Variants in EFNA5 observed in about 807,000 individuals in gnomAD.
The protein encoded by EFNA5 is ephrin A5.
Under a neutral mutation model 22.9 loss-of-function variants are expected in EFNA5, and 5 were observed. The observed-to-expected ratio is 0.22, with a 90% CI of 0.11 to 0.46. The LOEUF (loss-of-function observed/expected upper bound fraction) is 0.46. Ranked by LOEUF, EFNA5 falls within the 20% of genes least tolerant of loss-of-function variation. The pLI is 0.99. For missense variants in EFNA5, 237 were observed against 293.3 expected (o/e 0.81, Z 1.40); for synonymous variants, 113 against 112.2 (o/e 1.01, Z -0.04).
At chr5:107,459,365 T>A (rs1199223066) in intron 1 of EFNA5, among the ~76,000 whole-genome samples, 1 of 134,658 alleles carries the variant, frequency 7.4e-6, no homozygotes, top group South Asian at 2.3e-4. Context: ...AAAAAATCAA[T>A]TGGAACACAT....
At chr5:107,392,055 A>G (rs1462573106) in intron 2 of EFNA5, among the ~76,000 whole-genome samples, 1 of 152,244 alleles carries the variant, frequency 6.6e-6, no homozygotes, top group Non-Finnish European at 1.5e-5. Flanking sequence ...TCTAAAAGTT[A>G]TATTTAGCAA....
intron 1 of EFNA5, among the ~76,000 whole-genome samples, chr5:107,480,435 C>A (rs1750427354): frequency 6.6e-6 from 1 of 152,186 alleles, no homozygotes. Context: ...CAAGAAATAG[C>A]ATCAACTATA....
At chr5:107,660,387 G>A (rs1750928222) in intron 1 of EFNA5, among the ~76,000 whole-genome samples, 1 of 145,244 alleles carries the variant, frequency 6.9e-6, no homozygotes, top group Admixed American at 7.0e-5. Flanking sequence ...CATATGGTGG[G>A]AAAATTTTAA....
At chr5:107,501,026 G>A (rs1747121474) in intron 1 of EFNA5, among the ~76,000 whole-genome samples, 2 of 152,162 alleles carry the variant, frequency 1.3e-5, no homozygotes, top group African/African-American at 2.4e-5. Flanking sequence ...CATACCTGGT[G>A]TCGTCTTGGT....
At chr5:107,420,343 TA>T (rs1224799917) in intron 2 of EFNA5, among the ~76,000 whole-genome samples, 1 of 151,930 alleles carries the variant, frequency 6.6e-6, no homozygotes, top group Non-Finnish European at 1.5e-5. Context: ...ACTGGTTCCT[TA>T]AACAATATTT....
intron 1 of EFNA5, among the ~76,000 whole-genome samples, chr5:107,475,111 C>T (rs897899312): frequency 6.6e-6 from 1 of 152,242 alleles, no homozygotes; most frequent in Non-Finnish European, 1.5e-5. Flanking sequence ...CAAGTTACTA[C>T]TTGTGGCATT....
At chr5:107,441,467 G>A (rs1749256009) in intron 1 of EFNA5, among the ~76,000 whole-genome samples, 1 of 152,134 alleles carries the variant, frequency 6.6e-6, no homozygotes, top group South Asian at 2.1e-4. Flanking sequence ...GTGAAGCTGT[G>A]CTGGAATTGC....
chr5:107,519,568 A>G (rs1388007751), intron 1 of EFNA5, among the ~76,000 whole-genome samples: 2 of 152,240 alleles, frequency 1.3e-5, no homozygotes, highest in South Asian at 2.1e-4. Context: ...TCTAAGGGAA[A>G]AACATACAGA....
intron 1 of EFNA5, among the ~76,000 whole-genome samples, chr5:107,455,158 C>T (rs575323899): frequency 6.6e-5 from 10 of 152,258 alleles, no homozygotes; most frequent in South Asian, 2.1e-4. Flanking sequence ...TCAGTGTCAA[C>T]GAGGTTTGTT....
chr5:107,613,724 A>C (rs1166578002), intron 1 of EFNA5, among the ~76,000 whole-genome samples: 1 of 152,136 alleles, frequency 6.6e-6, no homozygotes, highest in Non-Finnish European at 1.5e-5. Flanking sequence ...TGAAAAGAGA[A>C]TGAAAGGCAT....
At chr5:107,643,213 G>C (rs989056569) in intron 1 of EFNA5, among the ~76,000 whole-genome samples, 1 of 152,152 alleles carries the variant, frequency 6.6e-6, no homozygotes, top group African/African-American at 2.4e-5. Context: ...TGCCATGCTA[G>C]TGCCCCCATT....
At chr5:107,575,576 A>AT (rs201044477) in intron 1 of EFNA5, among the ~76,000 whole-genome samples, 3,742 of 151,760 alleles carry the variant, frequency 0.025, 127 homozygotes, top group African/African-American at 0.08. Context: ...TGTAGCTTGG[A>AT]TTTTTTTTTC....
chr5:107,503,082 C>T (rs889526770), intron 1 of EFNA5, among the ~76,000 whole-genome samples: 1 of 152,142 alleles, frequency 6.6e-6, no homozygotes, highest in Admixed American at 6.5e-5. Context: ...AAATGCATCA[C>T]AGCATGTTGG....
chr5:107,663,222 G>T (rs977049511), intron 1 of EFNA5, among the ~76,000 whole-genome samples: 22 of 132,606 alleles, frequency 1.7e-4, no homozygotes, highest in African/African-American at 6.5e-4. Flanking sequence ...GCTTCTAGGG[G>T]GGAAAAAAAA....
intron 1 of EFNA5, among the ~76,000 whole-genome samples, chr5:107,617,197 T>C (rs1045607819): frequency 7.7e-5 from 11 of 143,718 alleles, no homozygotes; most frequent in African/African-American, 2.9e-4. Flanking sequence ...TACACATACT[T>C]ACATGTGCAC....
At chr5:107,403,401 C>T (rs1748134593) in intron 2 of EFNA5, among the ~76,000 whole-genome samples, 2 of 152,270 alleles carry the variant, frequency 1.3e-5, no homozygotes, top group South Asian at 4.1e-4. Context: ...ATGAATAATA[C>T]TTTCAGTATC....
At chr5:107,422,466 G>C (rs1217557401) in intron 2 of EFNA5, among the ~76,000 whole-genome samples, 1 of 152,174 alleles carries the variant, frequency 6.6e-6, no homozygotes, top group East Asian at 1.9e-4. Flanking sequence ...ATATAGAGAG[G>C]TCAGAGTCGC....
intron 1 of EFNA5, among the ~76,000 whole-genome samples, chr5:107,443,238 T>C (rs752792537): frequency 6.6e-6 from 1 of 152,220 alleles, no homozygotes; most frequent in Non-Finnish European, 1.5e-5. Flanking sequence ...GTAAAGGCAA[T>C]GAAGATGACT....
chr5:107,544,085 T>G (rs1255965428), intron 1 of EFNA5, among the ~76,000 whole-genome samples: 2 of 152,084 alleles, frequency 1.3e-5, no homozygotes, highest in African/African-American at 4.8e-5. Context: ...ACATTTGGGG[T>G]AATCTAAACC....
Sources: allele counts gnomAD v4.1 joint callset (sites outside exome capture counted in the v4.1 genomes callset), GRCh38; gene constraint gnomAD v4.1.1; transcripts MANE v1.5; gene names NCBI Gene and HGNC (gene_info 2026-07-23, HGNC 2026-07-21).